Variants in DCBLD1 observed in about 807,000 individuals in gnomAD.
DCBLD1 encodes the protein discoidin, CUB and LCCL domain containing 1.
DCBLD1 carries 57 observed loss-of-function variants against 71.5 expected under a neutral mutation model. The observed-to-expected ratio is 0.80, with a 90% CI of 0.64 to 0.99. DCBLD1 has a LOEUF of 0.99. Among genes scored for constraint, DCBLD1 ranks in the 50% least tolerant of loss-of-function variants. The pLI is 0.00. For synonymous variants in DCBLD1, 380 were observed against 363.8 expected, an observed-to-expected ratio of 1.04 and a Z score of -0.51; for missense variants, 891 against 923.5, an observed-to-expected ratio of 0.96 and a Z score of 0.46.
chr6:117,489,693 G>A (rs1485389174), intron 1 of DCBLD1, among the ~76,000 whole-genome samples: 2 of 152,118 alleles, frequency 1.3e-5, no homozygotes, highest in African/African-American at 4.8e-5. Context: ...GACCATCATG[G>A]TCTAACTCGG....
intron 13 of DCBLD1, among the ~76,000 whole-genome samples, chr6:117,545,042 G>A (rs1217404976): frequency 6.6e-6 from 1 of 150,694 alleles, no homozygotes; most frequent in Admixed American, 6.6e-5. Context: ...AGACACAGGT[G>A]CCCAAGCAAT....
intron 4 of DCBLD1, among the ~76,000 whole-genome samples, chr6:117,522,121 A>G (rs1778404781): frequency 6.6e-6 from 1 of 152,220 alleles, no homozygotes; most frequent in African/African-American, 2.4e-5. Flanking sequence ...AAAATTTTCA[A>G]CCCAGCTTTA....
exon 15 of DCBLD1, chr6:117,569,854 A>G: frequency 3.5e-6 from 4 of 1,134,736 alleles, no homozygotes; most frequent in Non-Finnish European, 4.7e-6. Context: ...TGCTGTCTCT[A>G]TAAATGCTGG....
At chr6:117,561,898 G>A (rs1779591000) in intron 14 of DCBLD1, 1 of 206,684 alleles carries the variant, frequency 4.8e-6, no homozygotes, top group African/African-American at 2.3e-5. Context: ...AGTGTATCTG[G>A]GAAAGCCAAA....
At chr6:117,522,272 G>T (rs900073149) in intron 4 of DCBLD1, among the ~76,000 whole-genome samples, 1 of 152,118 alleles carries the variant, frequency 6.6e-6, no homozygotes, top group South Asian at 2.1e-4. Context: ...CCTGTGCGTC[G>T]TTAGATACTT....
intron 1 of DCBLD1, 28 bp downstream of exon 1, chr6:117,482,921 G>T: frequency 2.5e-6 from 3 of 1,176,820 alleles, no homozygotes; most frequent in Non-Finnish European, 2.1e-6. Flanking sequence ...GGCTGGCGGC[G>T]GGACCCGAGG....
intron 7 of DCBLD1, among the ~76,000 whole-genome samples, chr6:117,538,132 A>G (rs560727699): frequency 1.3e-5 from 2 of 152,316 alleles, no homozygotes; most frequent in African/African-American, 4.8e-5. Flanking sequence ...ACATTGGTAT[A>G]TTGGGCATGG....
At chr6:117,534,937 A>G (rs947419549) in intron 6 of DCBLD1, among the ~76,000 whole-genome samples, 17 of 152,258 alleles carry the variant, frequency 1.1e-4, no homozygotes, top group African/African-American at 3.9e-4. Flanking sequence ...AAAGTTCAGA[A>G]TTATATCAAG....
intron 1 of DCBLD1, among the ~76,000 whole-genome samples, chr6:117,491,847 G>A (rs904385588): frequency 1.3e-4 from 20 of 152,150 alleles, no homozygotes; most frequent in African/African-American, 4.6e-4. Flanking sequence ...CTTCAGAGTA[G>A]TTTATCTTTT....
intron 14 of DCBLD1, among the ~76,000 whole-genome samples, chr6:117,558,189 C>G (rs1477524105): frequency 6.6e-6 from 1 of 152,224 alleles, no homozygotes; most frequent in African/African-American, 2.4e-5. Flanking sequence ...ATTCAAGTGT[C>G]TGAAACTCAG....
intron 14 of DCBLD1, among the ~76,000 whole-genome samples, chr6:117,554,891 C>CA (rs34693828): frequency 3.5e-4 from 48 of 137,666 alleles, no homozygotes; most frequent in Middle Eastern, 7.1e-3. Flanking sequence ...GACTCAGTTG[C>CA]AAAAAAAAAA....
In DCBLD1 at chr6:117,503,978, T is replaced by C. The variant is rs536343848; in HGVS notation, c.324T>C (p.Tyr108=). Residue 108 remains tyrosine (Y), a splice_region_variant and synonymous_variant, in exon 2 of 15, where the codon TAT becomes TAC. Coordinates refer to ENST00000338728, the MANE Select transcript of DCBLD1 (RefSeq NM_001366458.2). ...YLLFTSSSDQ[Y]GPYCGSMTVP... is the part of the protein sequence containing the mutation. Reference sequence around the variant, plus strand: ...TCTTCACCAGCTCTTCAGATCAATATGGTAAGAAAAGAGAACTAGGTTTCT... The same window carrying C: ...TCTTCACCAGCTCTTCAGATCAATACGGTAAGAAAAGAGAACTAGGTTTCT... 3 of 1,613,978 alleles carry C rather than the reference T, an allele frequency of 1.9e-6. No individual in the cohort carries two copies. Among genetic ancestry groups the C allele is most frequent in the East Asian group, 2.2e-5 (1 of 44,876 alleles).
At chr6:117,534,315 A>T (rs962472892) in intron 6 of DCBLD1, among the ~76,000 whole-genome samples, 2 of 152,210 alleles carry the variant, frequency 1.3e-5, no homozygotes, top group Non-Finnish European at 2.9e-5. Context: ...CAGAACATTA[A>T]ATTTTATTTT....
chr6:117,488,712 A>G (rs1398787996), intron 1 of DCBLD1, among the ~76,000 whole-genome samples: 1 of 152,242 alleles, frequency 6.6e-6, no homozygotes, highest in East Asian at 1.9e-4. Context: ...TACAGGCAAC[A>G]GCAGGAAAAC....
At chr6:117,524,341 A>G (rs1406179425) in intron 4 of DCBLD1, among the ~76,000 whole-genome samples, 3 of 151,810 alleles carry the variant, frequency 2.0e-5, no homozygotes, top group Non-Finnish European at 4.4e-5. Flanking sequence ...AGCTGGGATT[A>G]CAGGCGTCTG....
At chr6:117,549,947 T>G, downstream of DCBLD1, 1 of 774,870 alleles carries the variant, frequency 1.3e-6, no homozygotes, top group Non-Finnish European at 1.6e-6. Context: ...AGAAGAGAAG[T>G]CTGGCTGCTT....
chr6:117,555,083 T>C (rs1248427303), intron 14 of DCBLD1, among the ~76,000 whole-genome samples: 1 of 152,180 alleles, frequency 6.6e-6, no homozygotes, highest in Non-Finnish European at 1.5e-5. Flanking sequence ...ATTTTGGTAA[T>C]TTGTGGGGAG....
At chr6:117,491,377 G>C (rs2114373691) in intron 1 of DCBLD1, among the ~76,000 whole-genome samples, 1 of 152,260 alleles carries the variant, frequency 6.6e-6, no homozygotes, top group South Asian at 2.1e-4. Flanking sequence ...GCTTTGCCAA[G>C]AGACTAAAAT....
Position 117,538,712 on chromosome 6 carries a change from T to C in DCBLD1, c.853T>C (p.Trp285Arg), listed in dbSNP as rs374049570. 8 of 1,614,110 alleles carry C rather than the reference T, an allele frequency of 5.0e-6. No homozygotes were observed. Among genetic ancestry groups the C allele is most frequent in the Middle Eastern group, 1.6e-4 (1 of 6,084 alleles). ...SVNESGDQVH[W>R]SPGQARLQDQ... ...CAATGAGAGTGGAGACCAAGTTCACTGGTCTCCTGGCCAAGCCCGACTTCA... is the reference window on the plus strand; with the variant it reads ...CAATGAGAGTGGAGACCAAGTTCACCGGTCTCCTGGCCAAGCCCGACTTCA... Residue 285 changes from tryptophan (W) to arginine (R), a missense_variant, in exon 8 of 15, where the codon TGG becomes CGG. Physicochemically the swap from Trp to Arg is moderately radical, Grantham distance 101. Transcript: ENST00000338728.
Sources: allele counts gnomAD v4.1 joint callset (sites outside exome capture counted in the v4.1 genomes callset), GRCh38; gene constraint gnomAD v4.1.1; transcripts MANE v1.5; gene names NCBI Gene and HGNC (gene_info 2026-07-23, HGNC 2026-07-21).